NAPRT: variants seen among roughly 807,000 people sequenced by gnomAD.
NAPRT encodes the protein nicotinate phosphoribosyltransferase, also known as FHA-HIT-interacting protein.
In NAPRT, 66 loss-of-function variants were observed where a neutral mutation model predicts 60.7. That is an observed-to-expected ratio of 1.09 (90% CI 0.89 to 1.33). The LOEUF (loss-of-function observed/expected upper bound fraction) is 1.33, where lower values mean the gene tolerates loss of function less well. Ranked by LOEUF, NAPRT falls within the 40% of genes most tolerant of loss-of-function variation. The pLI is 0.00. For missense variants in NAPRT, 818 were observed against 731.5 expected (o/e 1.12, Z -1.36); for synonymous variants, 405 against 335.7 (o/e 1.21, Z -2.26).
In NAPRT at chr8:143,574,821, C is replaced by G. The variant is rs774458358; in HGVS notation, c.*17G>C. The G allele has an allele frequency of 7.1e-6, 11 of 1,550,676 alleles. No individual in the cohort carries two copies. The highest frequency in any genetic ancestry group is 1.4e-5 in the African/African-American group (1 of 73,188). On this transcript the variant is annotated 3_prime_UTR_variant, in exon 13 of 13. Transcript: ENST00000449291. ...GTGAGTGATTCGTGTTGTTTCCAGT[C>G]AGCCCCGCTCCGAGTCTCAGGGGGA...
rs1468516216 is a variant in NAPRT, at chr8:143,577,649, C to T, written c.437+8G>A. Reference sequence around the variant, plus strand: ...GCCCACGCTCCCTGCCAGTGGCCCGCAGCCCACCTGGCGTAGCTGACCAGG... The same window carrying T: ...GCCCACGCTCCCTGCCAGTGGCCCGTAGCCCACCTGGCGTAGCTGACCAGG... On this transcript the variant is annotated splice_region_variant and intron_variant, in intron 3 of 12. Transcript: ENST00000449291. 1.3e-6 allele frequency: 2 copies of T among 1,536,698 alleles called. No individual in the cohort carries two copies. The highest frequency in any genetic ancestry group is 2.0e-5 in the Admixed American group (1 of 51,006).
downstream of NAPRT, chr8:143,574,540 C>G (rs1385659163): frequency 3.5e-6 from 2 of 575,750 alleles, no homozygotes; most frequent in African/African-American, 3.7e-5. Flanking sequence ...CCCTCCCTGC[C>G]TGTGGCTTTG....
rs914288709 is a variant in NAPRT, at chr8:143,575,009, G to A, written c.1531C>T (p.Leu511=). The change falls in exon 12 of 13, where the codon CTG becomes TTG. Residue 511 remains leucine, a synonymous_variant. Transcript: ENST00000449291. The part of the protein sequence containing the change: ...LSRLSPEHRR[L]RSPAQYQVVL... Reference sequence around the variant, plus strand: ...ACCTGGTACTGTGCAGGGCTCCGCAGCCGCCTGTGCTCAGGGCTGAGTCGG... The same window carrying A: ...ACCTGGTACTGTGCAGGGCTCCGCAACCGCCTGTGCTCAGGGCTGAGTCGG... 1.1e-5 allele frequency: 16 copies of A among 1,522,376 alleles called. No individual in the cohort carries two copies. The African/African-American group carries it at 1.8e-4, about 17-fold the overall frequency. 94.3% of individuals were successfully genotyped at this position (1,522,376 alleles called of 1,614,324 possible).
chr8:143,576,970 G>A (rs567859581), intron 5 of NAPRT, 92 bp downstream of exon 5: 6 of 1,515,730 alleles, frequency 4.0e-6, no homozygotes, highest in South Asian at 1.2e-5. Context: ...CAGCACTGGG[G>A]TGACCTGCCT....
In NAPRT at chr8:143,575,430, G is replaced by A. The variant is rs2290416; in HGVS notation, c.1284C>T (p.Gly428=). ...GGGATGGGAGGGCCTCACCGTCAGA[G>A]CCCAGGAGCCGGAAAGCAGCCTTGC... ...PGSKAAFRLL[G]SDGSPLMDML... The change falls in exon 10 of 13, where the codon GGC becomes GGT. Residue 428 remains glycine, a synonymous_variant. Transcript: ENST00000449291. The A allele has an allele frequency of 0.089, 140,958 of 1,591,434 alleles. 6,816 individuals are homozygous for A. The highest frequency in any genetic ancestry group is 0.15 in the South Asian group (13,563 of 90,588).
chr8:143,573,783 G>C (rs980057991), downstream of NAPRT: 1 of 152,282 alleles, frequency 6.6e-6, no homozygotes, highest in Non-Finnish European at 1.5e-5. Context: ...GTGTGAGTCT[G>C]TATCTCTCTC....
downstream of NAPRT, chr8:143,573,582 C>G (rs550461702): frequency 1.3e-5 from 2 of 152,268 alleles, no homozygotes; most frequent in Non-Finnish European, 2.9e-5. Context: ...TTTCCTGAAG[C>G]CTCCCCAGCC....
At chr8:143,572,905 G>GGAGGGGAGTGGCCACCTGCAGCCT, downstream of NAPRT, 1 of 617,804 alleles carries the variant, frequency 1.6e-6, no homozygotes, top group Non-Finnish European at 2.6e-6. Flanking sequence ...CTGGGCTGCT[G>GGAGGGGAGTGGCCACCTGCAGCCT]GAGGGGAGTG....
chr8:143,576,621 C>T, intron 6 of NAPRT, 25 bp downstream of exon 6: 2 of 1,605,090 alleles, frequency 1.2e-6, no homozygotes, highest in Non-Finnish European at 1.7e-6. Flanking sequence ...TCTGCTGAGC[C>T]CACCCCTAAA....
chr8:143,576,917 G>C, intron 5 of NAPRT, 75 bp from the exon 6 acceptor site: 2 of 1,513,734 alleles, frequency 1.3e-6, no homozygotes, highest in Non-Finnish European at 1.8e-6. Flanking sequence ...GGACACCCTA[G>C]TTTGAGAGCA....
At chr8:143,574,639 C>T (rs1824294874), downstream of NAPRT, 2 of 687,956 alleles carry the variant, frequency 2.9e-6, no homozygotes, top group African/African-American at 3.5e-5. Context: ...AGGGCTGTCT[C>T]CCACGCCGGC....
intron 6 of NAPRT, 22 bp from the exon 7 acceptor site, chr8:143,576,594 T>G (rs781686768): frequency 1.2e-6 from 2 of 1,605,864 alleles, no homozygotes; most frequent in Non-Finnish European, 8.5e-7. Context: ...GATAAGGGAG[T>G]CAGAGGCTGC....
chr8:143,577,158 G>A lies in NAPRT; in HGVS notation c.588C>T (p.Asn196=), dbSNP rs148726863. 3.8e-5 allele frequency: 62 copies of A among 1,612,408 alleles called. No individual in the cohort carries two copies. In the African/African-American group the frequency reaches 5.6e-4, roughly 15 times the overall value. ...CACCTCGCAGCTGGCCCGCTAGCAC[G>A]TTGCTGCTGCTGTCGAAGCCTGGGG... ...SYLGGFDSSS[N]VLAGQLRGVP... is the part of the protein sequence containing the mutation. The change falls in exon 5 of 13, where the codon AAC becomes AAT. Residue 196 remains asparagine (N), a synonymous_variant. Coordinates refer to ENST00000449291, the MANE Select transcript of NAPRT (RefSeq NM_145201.6).
chr8:143,574,974 C>T lies in NAPRT; in HGVS notation c.1554+12G>A. 6.5e-7 allele frequency: 1 copy of T among 1,544,828 alleles called. No individual in the cohort carries two copies. Among genetic ancestry groups the T allele is most frequent in the Non-Finnish European group, 8.7e-7 (1 of 1,143,774 alleles). On this transcript the variant is annotated intron_variant, in intron 12 of 12. Coordinates refer to ENST00000449291, the MANE Select transcript of NAPRT (RefSeq NM_145201.6). ...GCACAGGGCAGAATGACAGGGTGGG[C>T]CTCCCCCCAACCTGGTACTGTGCAG...
intron 7 of NAPRT, 74 bp downstream of exon 7, chr8:143,576,358 T>A (rs1824453688): frequency 6.5e-7 from 1 of 1,535,590 alleles, no homozygotes; most frequent in Non-Finnish European, 8.8e-7. Flanking sequence ...GCAGAGTACC[T>A]CACTGTCCTT....
chr8:143,577,894 G>T lies in NAPRT; in HGVS notation c.276C>A (p.Phe92Leu). 6.2e-7 allele frequency: 1 copy of T among 1,612,374 alleles called. No homozygotes were observed. The highest frequency in any genetic ancestry group is 8.5e-7 in the Non-Finnish European group (1 of 1,179,754). The change falls in exon 2 of 13, where the codon TTC becomes TTA. Residue 92 changes from phenylalanine to leucine, a missense_variant. Transcript: ENST00000449291. ...SVLPPDTDPA[F>L]FEHLRALDCS... ...AGTCGAGGGCCCGAAGGTGCTCGAAGAACGCAGGATCCGTGTCTGGGGGCA... is the reference window on the plus strand; with the variant it reads ...AGTCGAGGGCCCGAAGGTGCTCGAATAACGCAGGATCCGTGTCTGGGGGCA...
Position 143,575,438 on chromosome 8 carries a change from G to A in NAPRT, c.1276C>T (p.Leu426Phe), listed in dbSNP as rs1234173526. ...TLPGSKAAFRLLGSDGSPLMD... is the reference protein window; with the variant it reads ...TLPGSKAAFRFLGSDGSPLMD... ...AGGGCCTCACCGTCAGAGCCCAGGAGCCGGAAAGCAGCCTTGCTCCCAGGC... is the reference window on the plus strand; with the variant it reads ...AGGGCCTCACCGTCAGAGCCCAGGAACCGGAAAGCAGCCTTGCTCCCAGGC... The change falls in exon 10 of 13, where the codon CTC (leucine) becomes TTC (phenylalanine). Residue 426 changes from leucine (L) to phenylalanine (F), a missense_variant. Coordinates refer to ENST00000449291, the MANE Select transcript of NAPRT (RefSeq NM_145201.6). The A allele has an allele frequency of 3.1e-6, 5 of 1,591,290 alleles. No individual in the cohort carries two copies. The South Asian group carries it at 4.4e-5, about 14-fold the overall frequency.
At chr8:143,574,716 CCAGCCG>C, downstream of NAPRT, 1 of 1,229,216 alleles carries the variant, frequency 8.1e-7, no homozygotes, top group Non-Finnish European at 1.2e-6. Flanking sequence ...CGACTCCAGC[CCAGCCG>C]CAGCCCGGGA....
In NAPRT at chr8:143,577,135, C is replaced by A. The variant is rs1824525297; in HGVS notation, c.611G>T (p.Gly204Val). The A allele has an allele frequency of 6.2e-7, 1 of 1,612,822 alleles. No individual in the cohort carries two copies. The highest frequency in any genetic ancestry group is 2.2e-5 in the East Asian group (1 of 44,888). Residue 204 changes from glycine to valine, a missense_variant, in exon 5 of 13, where the codon GGT becomes GTT. Physicochemically the swap from Gly to Val is moderately radical, Grantham distance 109 (BLOSUM62 -3). Transcript: ENST00000449291. Reference protein sequence around the residue: ...SSNVLAGQLRGVPVAGTLAHS... With the variant: ...SSNVLAGQLRVVPVAGTLAHS... ...GGCCAGGGTCCCGGCCACCGGCACA[C>A]CTCGCAGCTGGCCCGCTAGCACGTT...
Sources: allele counts gnomAD v4.1 joint callset, GRCh38; gene constraint gnomAD v4.1.1; transcripts MANE v1.5; gene names NCBI Gene and HGNC (gene_info 2026-07-23, HGNC 2026-07-21).